Variants in DNAJC17 observed in about 807,000 individuals in gnomAD.
The protein encoded by DNAJC17 is DnaJ heat shock protein family (Hsp40) member C17.
DNAJC17 carries 35 observed loss-of-function variants against 48.1 expected under a neutral mutation model. The ratio of observed to expected loss-of-function variants is 0.73; its 90% CI spans 0.56 to 0.96. DNAJC17 has a LOEUF of 0.96. Among genes scored for constraint, DNAJC17 ranks in the 50% least tolerant of loss-of-function variants. The probability of loss-of-function intolerance (pLI) is 0.00; values close to 1 mark genes in which losing one functional copy is unlikely to be tolerated. For synonymous variants in DNAJC17, 117 were observed against 142.7 expected, an observed-to-expected ratio of 0.82 and a Z score of 1.28; for missense variants, 355 against 377.1, an observed-to-expected ratio of 0.94 and a Z score of 0.48.
chr15:40,771,838 T>C (rs546623515), intron 10 of DNAJC17: 1 of 166,812 alleles, frequency 6.0e-6, no homozygotes, highest in Non-Finnish European at 1.5e-5. Context: ...TAGGAAGAGA[T>C]AGGTAGAGAT....
Position 40,767,401 on chromosome 15 carries a change from G to A in DNAJC17, c.*539C>T. ...GCACCCCTGTGGAGGGGCTGCTGTG[G>A]GCCCTGACCTCCAAGCTCCTGCCTC... On this transcript the variant is annotated 3_prime_UTR_variant, in exon 11 of 11. Transcript: ENST00000220496. The A allele has an allele frequency of 6.5e-6, 10 of 1,530,986 alleles. No homozygotes were observed. Among genetic ancestry groups the A allele is most frequent in the African/African-American group, 1.4e-5 (1 of 69,960 alleles). 94.8% of individuals were successfully genotyped at this position (1,530,986 alleles called of 1,614,324 possible).
chr15:40,775,316 C>A lies in DNAJC17; in HGVS notation c.523-208G>T, dbSNP rs531348520. 4 of 700,360 alleles carry A rather than the reference C, an allele frequency of 5.7e-6. No homozygotes were observed. The South Asian group carries it at 7.0e-5, about 12-fold the overall frequency. 43.4% of individuals were successfully genotyped at this position (700,360 alleles called of 1,614,324 possible). ...CCAGGGACGCTTCCCGCCCAGAAGA[C>A]CCTCTCCTGAGAGGGCTTCTAGAGA... On this transcript the variant is annotated intron_variant, in intron 7 of 10. Transcript: ENST00000220496.
chr15:40,767,214 G>T lies in DNAJC17; in HGVS notation c.*726C>A, dbSNP rs371155421. The T allele has an allele frequency of 1.3e-6, 2 of 1,498,304 alleles. No homozygotes were observed. The highest frequency in any genetic ancestry group is 1.8e-6 in the Non-Finnish European group (2 of 1,121,172). The allele number at this position is 1,498,304 out of a possible 1,614,324, so 92.8% of individuals were successfully genotyped here. ...TGCCCCTCCTCACCCCCCCCATCCT[G>T]TCTCTTTGCAGTTATGAATACTACG... On this transcript the variant is annotated 3_prime_UTR_variant, in exon 11 of 11. Coordinates refer to ENST00000220496, the MANE Select transcript of DNAJC17 (RefSeq NM_018163.3).
chr15:40,783,800 C>A (rs1268708467), intron 1 of DNAJC17, among the ~76,000 whole-genome samples: 1 of 152,150 alleles, frequency 6.6e-6, no homozygotes, highest in Non-Finnish European at 1.5e-5. Context: ...GGGGCAGAGG[C>A]TTCAGTGAGC....
At chr15:40,781,241 T>C (rs1288704845) in intron 1 of DNAJC17, among the ~76,000 whole-genome samples, 1 of 151,584 alleles carries the variant, frequency 6.6e-6, no homozygotes, top group Non-Finnish European at 1.5e-5. Flanking sequence ...TCCTCATGCC[T>C]GTAATCCTGG....
At chr15:40,780,117 A>C (rs764958028) in intron 1 of DNAJC17, 120 bp from the exon 2 acceptor site, 1 of 957,758 alleles carries the variant, frequency 1.0e-6, no homozygotes, top group South Asian at 1.4e-5. Flanking sequence ...GCTGGCGCCC[A>C]CTTCCTAGCC....
chr15:40,789,917 A>AAAG (rs1379183283), intron 1 of DNAJC17, among the ~76,000 whole-genome samples: 3 of 149,370 alleles, frequency 2.0e-5, no homozygotes, highest in African/African-American at 7.3e-5. Context: ...AAAAAAAAAA[A>AAAG]AAAAAAAAAA....
In DNAJC17 at chr15:40,776,135, G is replaced by A. The variant is rs1256915482; in HGVS notation, c.478+61C>T. 2.0e-6 allele frequency: 3 copies of A among 1,538,454 alleles called. No individual in the cohort carries two copies. In the African/African-American group the frequency reaches 4.1e-5, roughly 21 times the overall value. On this transcript the variant is annotated intron_variant, in intron 6 of 10. Transcript: ENST00000220496. ...GCAGCTCCACCGAACAGCCAGTGTG[G>A]CCGCTCTGAGCAATCTGGAGCTACC... is the stretch of plus-strand genomic sequence containing the variant.
chr15:40,789,983 T>TA (rs1408520655), intron 1 of DNAJC17, among the ~76,000 whole-genome samples: 1 of 148,260 alleles, frequency 6.7e-6, no homozygotes, highest in Non-Finnish European at 1.5e-5. Flanking sequence ...TAACAATACT[T>TA]ACGAACAGCA....
At chr15:40,801,511 C>A (rs1447684283) in intron 1 of DNAJC17, among the ~76,000 whole-genome samples, 1 of 152,072 alleles carries the variant, frequency 6.6e-6, no homozygotes, top group African/African-American at 2.4e-5. Context: ...AATCCCAGCA[C>A]TTTGGGAGGC....
intron 4 of DNAJC17, 95 bp downstream of exon 4, chr15:40,779,128 G>T: frequency 7.8e-7 from 1 of 1,286,166 alleles, no homozygotes; most frequent in Non-Finnish European, 1.1e-6. Context: ...AAAAGGCTTT[G>T]AGATGAGTTG....
At chr15:40,778,761 T>C (rs1174973993) in intron 4 of DNAJC17, among the ~76,000 whole-genome samples, 1 of 151,994 alleles carries the variant, frequency 6.6e-6, no homozygotes, top group Non-Finnish European at 1.5e-5. Context: ...ATGGTGAAAC[T>C]CCATCTCTAA....
chr15:40,767,582 G>C lies in DNAJC17; in HGVS notation c.*358C>G, dbSNP rs1241157792. The C allele has an allele frequency of 1.7e-5, 10 of 595,790 alleles. No individual in the cohort carries two copies. The highest frequency in any genetic ancestry group is 3.2e-5 in the East Asian group (1 of 31,008). The allele number at this position is 595,790 out of a possible 1,614,324, so 36.9% of individuals were successfully genotyped here. A position where few individuals can be genotyped will look rare whatever the true frequency, so the allele number is the denominator to read the frequency against. ...CCAGCTGCCCTCCTGCTTCGGGCCT[G>C]GGCCGAGGGCCTTGTGTAGGCCATG... On this transcript the variant is annotated 3_prime_UTR_variant, in exon 11 of 11. Transcript: ENST00000220496.
At chr15:40,771,203 A>G (rs1019853176) in intron 10 of DNAJC17, 3 of 661,476 alleles carry the variant, frequency 4.5e-6, no homozygotes, top group African/African-American at 3.7e-5. Flanking sequence ...TGGGTCCTGG[A>G]CAGTCCTTCC....
chr15:40,803,129 C>A, intron 1 of DNAJC17, among the ~76,000 whole-genome samples: 1 of 148,372 alleles, frequency 6.7e-6, no homozygotes. Context: ...AAAAAAAGTC[C>A]TCCTCTCCTC....
At position 40,766,636 on chromosome 15, in the gene DNAJC17, A is replaced by G. The variant is rs1888956778; in HGVS notation, c.*1304T>C. ...GGGGCTTGAGCCCTTTGTCTGCTTC[A>G]TGGTCTTTCAGCATCAATTAAACCT... On this transcript the variant is annotated 3_prime_UTR_variant, in exon 11 of 11. Coordinates refer to ENST00000220496, the MANE Select transcript of DNAJC17 (RefSeq NM_018163.3). 6.6e-6 allele frequency: 1 copy of G among 152,258 alleles called. No individual in the cohort carries two copies. The highest frequency in any genetic ancestry group is 2.4e-5 in the African/African-American group (1 of 41,450). 9.4% of individuals were successfully genotyped at this position (152,258 alleles called of 1,614,324 possible).
intron 10 of DNAJC17, 89 bp downstream of exon 10, chr15:40,773,638 T>C: frequency 9.5e-7 from 1 of 1,057,510 alleles, no homozygotes; most frequent in Non-Finnish European, 1.4e-6. Flanking sequence ...CCCCAAGATC[T>C]GAATTTGGAA....
chr15:40,776,708 T>A, intron 4 of DNAJC17, 81 bp from the exon 5 acceptor site: 1 of 1,408,374 alleles, frequency 7.1e-7, no homozygotes, highest in Non-Finnish European at 1.0e-6. Context: ...TCTGGCTGCC[T>A]CCCCAAAGTC....
chr15:40,806,980 G>C, intron 1 of DNAJC17: 1 of 418,972 alleles, frequency 2.4e-6, no homozygotes, highest in Non-Finnish European at 4.3e-6. Context: ...GCTCTTAGTG[G>C]AAGAATTAAA....
Sources: gnomAD v4.1 joint callset for allele counts (sites outside exome capture counted in the v4.1 genomes callset) on GRCh38, gnomAD v4.1.1 for gene constraint, MANE v1.5 for transcripts, NCBI Gene and HGNC (gene_info 2026-07-23, HGNC 2026-07-21) for gene names.